CSGALNACT1: variants seen among roughly 807,000 people sequenced by gnomAD.
CSGALNACT1 encodes the protein beta4GalNAcT-1.
Under a neutral mutation model 51.0 loss-of-function variants are expected in CSGALNACT1, and 52 were observed. That is an observed-to-expected ratio of 1.02 (90% confidence interval 0.82 to 1.29). The LOEUF is 1.29. Among genes scored for constraint, CSGALNACT1 ranks in the 50% most tolerant of loss-of-function variants. The probability of loss-of-function intolerance (pLI) is 0.00; values close to 1 mark genes in which losing one functional copy is unlikely to be tolerated. For synonymous variants in CSGALNACT1, 341 were observed against 254.4 expected (o/e 1.34, Z -3.24); for missense variants, 935 against 679.2 (o/e 1.38, Z -4.19).
intron 1 of CSGALNACT1, among the ~76,000 whole-genome samples, chr8:19,698,156 G>C (rs2061676160): frequency 6.6e-6 from 1 of 152,172 alleles, no homozygotes; most frequent in East Asian, 1.9e-4. Flanking sequence ...AGGTCCCCTT[G>C]ATATGCTCTT....
At chr8:19,476,091 T>C (rs1354603365) in intron 4 of CSGALNACT1, among the ~76,000 whole-genome samples, 1 of 152,154 alleles carries the variant, frequency 6.6e-6, no homozygotes, top group African/African-American at 2.4e-5. Context: ...ATGACTGAGG[T>C]TGTACCTCTC....
intron 3 of CSGALNACT1, among the ~76,000 whole-genome samples, chr8:19,545,535 ACT>A (rs1161542488): frequency 6.6e-6 from 1 of 151,944 alleles, no homozygotes; most frequent in East Asian, 1.9e-4. Flanking sequence ...GATAGCAAAG[ACT>A]CTGTCTTACA....
intron 3 of CSGALNACT1, among the ~76,000 whole-genome samples, chr8:19,517,158 C>A (rs1587691428): frequency 1.3e-5 from 2 of 152,144 alleles, no homozygotes; most frequent in African/African-American, 4.8e-5. Flanking sequence ...AAAAAGAGGG[C>A]CAGGCATGGT....
exon 10 of CSGALNACT1, chr8:19,404,491 G>A (rs940307128): frequency 8.8e-6 from 4 of 453,670 alleles, no homozygotes; most frequent in South Asian, 4.7e-5. Flanking sequence ...CTTGGTGATC[G>A]AGTAGAACTG....
intron 1 of CSGALNACT1, among the ~76,000 whole-genome samples, chr8:19,659,237 T>C (rs2058560277): frequency 6.6e-6 from 1 of 152,228 alleles, no homozygotes; most frequent in East Asian, 1.9e-4. Context: ...CCACATTAGA[T>C]CCATATTAGA....
At chr8:19,564,147 C>T (rs959202177) in intron 3 of CSGALNACT1, among the ~76,000 whole-genome samples, 2 of 152,162 alleles carry the variant, frequency 1.3e-5, no homozygotes, top group Non-Finnish European at 2.9e-5. Flanking sequence ...CAGAACATTT[C>T]GCAAACTTTT....
intron 3 of CSGALNACT1, among the ~76,000 whole-genome samples, chr8:19,533,219 C>T (rs1351677539): frequency 5.3e-5 from 8 of 152,034 alleles, no homozygotes; most frequent in East Asian, 3.9e-4. Context: ...TGGGATCAAG[C>T]GATCCTCTCA....
At chr8:19,485,690 T>G (rs2072707510) in intron 4 of CSGALNACT1, among the ~76,000 whole-genome samples, 1 of 149,648 alleles carries the variant, frequency 6.7e-6, no homozygotes. Flanking sequence ...ACTTCAAATA[T>G]TCACCTTATC....
intron 1 of CSGALNACT1, among the ~76,000 whole-genome samples, chr8:19,716,074 T>C (rs576351923): frequency 4.5e-4 from 68 of 152,326 alleles, no homozygotes; most frequent in Middle Eastern, 3.4e-3. Flanking sequence ...GCAGGCAGTT[T>C]ATCCCCAGAA....
At chr8:19,445,647 G>T (rs2061989514) in intron 5 of CSGALNACT1, among the ~76,000 whole-genome samples, 1 of 152,156 alleles carries the variant, frequency 6.6e-6, no homozygotes, top group Non-Finnish European at 1.5e-5. Flanking sequence ...AGACATGTCT[G>T]CCCTTGAGTT....
At chr8:19,507,060 G>A (rs2077475205) in intron 3 of CSGALNACT1, among the ~76,000 whole-genome samples, 1 of 152,142 alleles carries the variant, frequency 6.6e-6, no homozygotes, top group South Asian at 2.1e-4. Context: ...CAGGAACTGG[G>A]GAAGCACCCA....
chr8:19,630,265 AT>A (rs1305215387), intron 1 of CSGALNACT1, among the ~76,000 whole-genome samples: 8 of 147,006 alleles, frequency 5.4e-5, no homozygotes, highest in Admixed American at 4.8e-4. Context: ...TTCTAGTAAA[AT>A]TTTATTTGTA....
intron 3 of CSGALNACT1, among the ~76,000 whole-genome samples, chr8:19,518,618 G>A (rs1391756573): frequency 6.6e-6 from 1 of 152,190 alleles, no homozygotes; most frequent in Non-Finnish European, 1.5e-5. Context: ...TCTGTAGAGA[G>A]AGCAGTTTCT....
At chr8:19,590,640 C>CATT (rs2047601004) in intron 3 of CSGALNACT1, among the ~76,000 whole-genome samples, 1 of 68,970 alleles carries the variant, frequency 1.4e-5, no homozygotes, top group African/African-American at 5.5e-5. Context: ...GACCTAACTA[C>CATT]TTTTTTTTTT....
chr8:19,670,239 C>T (rs1157487274), intron 1 of CSGALNACT1, among the ~76,000 whole-genome samples: 2 of 152,140 alleles, frequency 1.3e-5, no homozygotes. Flanking sequence ...TCCACAGTCT[C>T]CTTCAGTGCC....
chr8:19,614,219 T>C lies in CSGALNACT1; in HGVS notation c.-543-12354A>G, dbSNP rs1292685519. On this transcript the variant is annotated intron_variant, in intron 1 of 9. Transcript: ENST00000332246. ...AACTCATTCAATACTCCTGACTGCC[T>C]GATAAAGTCATTATTACAAATCTTA... 2.0e-5 allele frequency among the ~76,000 whole-genome samples: 3 copies of C among 152,212 alleles called. No individual in the cohort carries two copies. The East Asian group carries it at 5.8e-4, about 29-fold the overall frequency.
chr8:19,586,605 G>C (rs999623111), intron 3 of CSGALNACT1, among the ~76,000 whole-genome samples: 1 of 151,972 alleles, frequency 6.6e-6, no homozygotes, highest in African/African-American at 2.4e-5. Flanking sequence ...CAAATCAAAG[G>C]GTGAGAAACA....
intron 5 of CSGALNACT1, among the ~76,000 whole-genome samples, chr8:19,447,220 C>G (rs759077425): frequency 2.6e-5 from 4 of 152,184 alleles, no homozygotes; most frequent in Non-Finnish European, 5.9e-5. Context: ...CTCCCCAGGT[C>G]ACCTGAGCCA....
At position 19,688,094 on chromosome 8, in the gene CSGALNACT1, T is replaced by C. The variant is rs1055084121; in HGVS notation, c.-297+69756A>G. Among the ~76,000 whole-genome samples the C allele has an allele frequency of 2.0e-5, 3 of 152,332 alleles. No individual in the cohort carries two copies. The South Asian group carries it at 6.2e-4, about 32-fold the overall frequency. ...TGAAGTAGGTGTTCATTTCCCATTT[T>C]ACACATGGCCAGTTGACACCCCCAG... On this transcript the variant is annotated intron_variant, in intron 1 of 1. Transcript: ENST00000517494.
Sources: gnomAD v4.1 joint callset for allele counts (sites outside exome capture counted in the v4.1 genomes callset) on GRCh38, gnomAD v4.1.1 for gene constraint, MANE v1.5 for transcripts, NCBI Gene and HGNC (gene_info 2026-07-23, HGNC 2026-07-21) for gene names.